The following SPIRE1 variants were observed in gnomAD, a reference collection of about 807,000 sequenced individuals.
SPIRE1 encodes spire type actin nucleation factor 1, also known as protein spire homolog 1.
A neutral mutation model predicts 94.1 loss-of-function variants in SPIRE1; 40 were observed. That is an observed-to-expected ratio of 0.43 (90% CI 0.33 to 0.55). SPIRE1 has a LOEUF of 0.55. Among genes scored for constraint, SPIRE1 ranks in the 20% least tolerant of loss-of-function variants. SPIRE1 has a pLI of 0.06. For synonymous variants in SPIRE1, 376 were observed against 371.7 expected, an observed-to-expected ratio of 1.01 and a Z score of -0.13; for missense variants, 838 against 975.2, an observed-to-expected ratio of 0.86 and a Z score of 1.87.
In SPIRE1 at chr18:12,446,784, T is replaced by C. The variant is rs1005784927; in HGVS notation, c.*2854A>G. On this transcript the variant is annotated 3_prime_UTR_variant, in exon 17 of 17. Coordinates refer to ENST00000409402, the MANE Select transcript of SPIRE1 (RefSeq NM_001128626.2). ...CCTAATATCCAGTCCTACAGTAATA[T>C]AGTTAGAAAAATAAAAGGCTTAAAA... 2.0e-5 allele frequency: 3 copies of C among 152,192 alleles called. No homozygotes were observed. Among genetic ancestry groups the C allele is most frequent in the Non-Finnish European group, 2.9e-5 (2 of 68,034 alleles). The allele number at this position is 152,192 out of a possible 1,614,324, so 9.4% of individuals were successfully genotyped here. A position where few individuals can be genotyped will look rare whatever the true frequency, so the allele number is the denominator to read the frequency against.
chr18:12,549,062 T>G (rs1306308325), intron 2 of SPIRE1, among the ~76,000 whole-genome samples: 1 of 152,204 alleles, frequency 6.6e-6, no homozygotes, highest in Non-Finnish European at 1.5e-5. Flanking sequence ...AGTGCTTCCC[T>G]GGCACAGGGT....
At chr18:12,639,957 G>A (rs1468085365) in intron 1 of SPIRE1, among the ~76,000 whole-genome samples, 2 of 151,962 alleles carry the variant, frequency 1.3e-5, no homozygotes, top group Non-Finnish European at 2.9e-5. Context: ...GACACAGAAT[G>A]GCTTTACGAA....
chr18:12,655,622 T>C (rs1204832481), intron 1 of SPIRE1, among the ~76,000 whole-genome samples: 1 of 152,102 alleles, frequency 6.6e-6, no homozygotes, highest in Non-Finnish European at 1.5e-5. Context: ...GGCAGTTTAT[T>C]ACACTGAGAT....
At chr18:12,599,844 T>C (rs560096967) in intron 2 of SPIRE1, among the ~76,000 whole-genome samples, 31 of 152,302 alleles carry the variant, frequency 2.0e-4, no homozygotes, top group African/African-American at 6.5e-4. Context: ...CTGCTGTTCA[T>C]GCCCTGTGTG....
At chr18:12,508,800 G>C (rs1227240537) in intron 5 of SPIRE1, among the ~76,000 whole-genome samples, 3 of 151,534 alleles carry the variant, frequency 2.0e-5, no homozygotes, top group Admixed American at 1.3e-4. Flanking sequence ...TCAGCCTCCT[G>C]AGTAGCTGGG....
chr18:12,647,941 C>G (rs1445519773), intron 1 of SPIRE1, among the ~76,000 whole-genome samples: 1 of 152,032 alleles, frequency 6.6e-6, no homozygotes, highest in Non-Finnish European at 1.5e-5. Context: ...CAAGGACGTG[C>G]TCCACCAGAC....
At chr18:12,517,372 G>C (rs1455512499) in intron 4 of SPIRE1, among the ~76,000 whole-genome samples, 1 of 152,154 alleles carries the variant, frequency 6.6e-6, no homozygotes, top group Non-Finnish European at 1.5e-5. Context: ...AGATAGCTTA[G>C]AATCTATAAA....
chr18:12,605,299 A>G (rs2036943666), intron 2 of SPIRE1, among the ~76,000 whole-genome samples: 1 of 152,106 alleles, frequency 6.6e-6, no homozygotes, highest in Non-Finnish European at 1.5e-5. Context: ...TGGGCGGACC[A>G]TGAGGTCAGG....
At chr18:12,661,331 T>A, upstream of SPIRE1, 1 of 982,062 alleles carries the variant, frequency 1.0e-6, no homozygotes, top group Non-Finnish European at 1.2e-6. Flanking sequence ...AAAAAATTGA[T>A]AAGCCTTACC....
chr18:12,655,586 A>G (rs1288167527), intron 1 of SPIRE1, among the ~76,000 whole-genome samples: 1 of 152,056 alleles, frequency 6.6e-6, no homozygotes, highest in African/African-American at 2.4e-5. Flanking sequence ...GTGGAGAACA[A>G]CTCCACTCAC....
chr18:12,506,253 G>C (rs984731649), intron 6 of SPIRE1, among the ~76,000 whole-genome samples: 1 of 152,076 alleles, frequency 6.6e-6, no homozygotes, highest in Non-Finnish European at 1.5e-5. Context: ...CACCTCCTGG[G>C]TTCAAGCGAT....
rs755757054 is a variant in SPIRE1 at position 12,546,695 on chromosome 18, C to A, written c.582G>T (p.Arg194=). The A allele has an allele frequency of 1.9e-6, 3 of 1,613,070 alleles. No individual in the cohort carries two copies. The highest frequency in any genetic ancestry group is 1.7e-4 in the Middle Eastern group (1 of 6,060). The change falls in exon 3 of 17, where the codon CGG becomes CGT. Residue 194 remains arginine (R), a synonymous_variant. Transcript: ENST00000409402. ...TTACCTTCATGACATCTCTATATGA[C>A]CGAATAGCTGAGATTTTTCTCTTTT... The part of the protein sequence containing the change: ...EDEKRKISAI[R]SYRDVMKLCA...
intron 2 of SPIRE1, among the ~76,000 whole-genome samples, chr18:12,618,091 G>A (rs185027689): frequency 6.8e-4 from 103 of 151,624 alleles, no homozygotes; most frequent in Non-Finnish European, 1.2e-3. Context: ...AAACTATAAG[G>A]TACTTATTTT....
intron 2 of SPIRE1, among the ~76,000 whole-genome samples, chr18:12,586,735 A>G (rs892338461): frequency 6.6e-6 from 1 of 152,260 alleles, no homozygotes; most frequent in Admixed American, 6.5e-5. Context: ...TTTCTCATTT[A>G]TAAGACAGAT....
chr18:12,583,667 T>C (rs2036315730), intron 2 of SPIRE1, among the ~76,000 whole-genome samples: 1 of 152,066 alleles, frequency 6.6e-6, no homozygotes, highest in Middle Eastern at 3.4e-3. Context: ...CTCATGCTTG[T>C]AATCCTAGCA....
chr18:12,557,962 G>C (rs777364450), intron 2 of SPIRE1, among the ~76,000 whole-genome samples: 2 of 151,968 alleles, frequency 1.3e-5, no homozygotes, highest in Admixed American at 6.6e-5. Context: ...TGAGAAAACT[G>C]GATATCCACA....
intron 2 of SPIRE1, among the ~76,000 whole-genome samples, chr18:12,570,584 T>C (rs953416338): frequency 1.3e-5 from 2 of 152,204 alleles, no homozygotes; most frequent in African/African-American, 4.8e-5. Flanking sequence ...CCTTTATACA[T>C]TACGATGATC....
At position 12,560,666 on chromosome 18, in the gene SPIRE1, C is replaced by T. The variant is rs141812784; in HGVS notation, c.373-13762G>A. Reference sequence around the variant, plus strand: ...AGGAGTTCGAGACTAGCCTAGCCAACGTGGTGAAACCCCATCTCTACTAAA... The same window carrying T: ...AGGAGTTCGAGACTAGCCTAGCCAATGTGGTGAAACCCCATCTCTACTAAA... On this transcript the variant is annotated intron_variant, in intron 2 of 16. Transcript: ENST00000409402. 7.9e-4 allele frequency among the ~76,000 whole-genome samples: 120 copies of T among 152,208 alleles called. 1 individual carries two copies. The South Asian group carries it at 0.011, about 13-fold the overall frequency.
chr18:12,513,819 G>T (rs926131160), intron 4 of SPIRE1, among the ~76,000 whole-genome samples: 23 of 151,628 alleles, frequency 1.5e-4, no homozygotes, highest in African/African-American at 5.3e-4. Flanking sequence ...CACTGCTCCC[G>T]GTCTGAAATA....
Sources: gnomAD v4.1 joint callset for allele counts (sites outside exome capture counted in the v4.1 genomes callset) on GRCh38, gnomAD v4.1.1 for gene constraint, MANE v1.5 for transcripts, NCBI Gene and HGNC (gene_info 2026-07-23, HGNC 2026-07-21) for gene names.